The following SGCD variants were observed in gnomAD, a reference collection of about 807,000 sequenced individuals.
SGCD encodes sarcoglycan delta, also known as delta-sarcoglycan.
SGCD carries 18 observed loss-of-function variants against 36.6 expected under a neutral mutation model. The ratio of observed to expected loss-of-function variants is 0.49; its 90% CI spans 0.34 to 0.73. The LOEUF is 0.73. Among genes scored for constraint, SGCD ranks in the 30% least tolerant of loss-of-function variants. The probability of loss-of-function intolerance (pLI) is 0.01; values close to 1 mark genes in which losing one functional copy is unlikely to be tolerated. For synonymous variants in SGCD, 133 were observed against 130.6 expected, an observed-to-expected ratio of 1.02 and a Z score of -0.12; for missense variants, 387 against 346.7, an observed-to-expected ratio of 1.12 and a Z score of -0.92.
intron 1 of SGCD, among the ~76,000 whole-genome samples, chr5:156,005,606 G>T (rs1758746615): frequency 6.6e-6 from 1 of 152,006 alleles, no homozygotes; most frequent in Non-Finnish European, 1.5e-5. Flanking sequence ...GCCTGCCGCC[G>T]CACCTGGCTA....
At chr5:156,167,274 A>T (rs970457015) in intron 3 of SGCD, among the ~76,000 whole-genome samples, 39 of 152,262 alleles carry the variant, frequency 2.6e-4, no homozygotes, top group Admixed American at 1.3e-4. Context: ...TCTTCTCAGC[A>T]CATATTGCAG....
intron 6 of SGCD, among the ~76,000 whole-genome samples, chr5:156,597,463 A>C (rs1760972558): frequency 6.6e-6 from 1 of 152,226 alleles, no homozygotes. Flanking sequence ...ATGCAGGAAA[A>C]CTGCCCTTTA....
At chr5:156,378,284 T>G (rs1770782944) in intron 3 of SGCD, among the ~76,000 whole-genome samples, 1 of 152,198 alleles carries the variant, frequency 6.6e-6, no homozygotes, top group East Asian at 1.9e-4. Flanking sequence ...TGTGAGATAG[T>G]TAAAGCAGTC....
At chr5:156,528,521 G>A (rs1757737869) in intron 4 of SGCD, among the ~76,000 whole-genome samples, 1 of 152,072 alleles carries the variant, frequency 6.6e-6, no homozygotes, top group Non-Finnish European at 1.5e-5. Flanking sequence ...TCTCTAAGAA[G>A]CTTTTGGAGA....
chr5:155,947,187 T>C (rs1459809066), intron 1 of SGCD, among the ~76,000 whole-genome samples: 2 of 152,156 alleles, frequency 1.3e-5, no homozygotes, highest in Non-Finnish European at 2.9e-5. Flanking sequence ...TGTATTTTTT[T>C]CACTTAATTC....
Position 156,579,840 on chromosome 5 carries a change from A to G in SGCD, c.295-9391A>G, listed in dbSNP as rs372292663. On this transcript the variant is annotated intron_variant, in intron 4 of 8. Coordinates refer to ENST00000337851, the MANE Select transcript of SGCD (RefSeq NM_000337.6). ...GTGAGGTGGGTCTCCTGAATACAGC[A>G]CACTGATGGGTCTTGACTCTTTATC... Among the ~76,000 whole-genome samples, 12 of 152,252 alleles carry G rather than the reference A, an allele frequency of 7.9e-5. No individual in the cohort carries two copies. In the South Asian group the frequency reaches 1.2e-3, roughly 16 times the overall value.
intron 1 of SGCD, among the ~76,000 whole-genome samples, chr5:155,878,129 A>G (rs1399438603): frequency 6.6e-6 from 1 of 152,110 alleles, no homozygotes; most frequent in Non-Finnish European, 1.5e-5. Context: ...GGGTGGAAGT[A>G]TATAACAGGA....
chr5:156,076,057 G>A (rs780208588), intron 1 of SGCD, among the ~76,000 whole-genome samples: 1 of 151,518 alleles, frequency 6.6e-6, no homozygotes, highest in African/African-American at 2.4e-5. Context: ...TTTGGATTTG[G>A]GTCTTCATTT....
chr5:156,074,989 T>C (rs1004869860), intron 1 of SGCD, among the ~76,000 whole-genome samples: 7 of 152,234 alleles, frequency 4.6e-5, no homozygotes, highest in Admixed American at 2.0e-4. Context: ...TTTAAAGAAG[T>C]CTATCATGAA....
intron 7 of SGCD, among the ~76,000 whole-genome samples, chr5:156,749,073 T>C (rs976793997): frequency 3.3e-5 from 5 of 152,140 alleles, no homozygotes; most frequent in African/African-American, 1.2e-4. Context: ...GCTCAATTTT[T>C]AAGGAACTGA....
chr5:156,200,469 A>G (rs1250474286), intron 3 of SGCD, among the ~76,000 whole-genome samples: 1 of 152,194 alleles, frequency 6.6e-6, no homozygotes, highest in African/African-American at 2.4e-5. Context: ...CACATGGAAA[A>G]GAATGAAGTC....
intron 3 of SGCD, among the ~76,000 whole-genome samples, chr5:156,229,239 C>CACATATATATATACATATATATAT (rs1561574797): frequency 1.3e-4 from 14 of 103,840 alleles, no homozygotes; most frequent in African/African-American, 4.9e-4. Context: ...CATATACATA[C>CACATATATATATACATATATATAT]ATATATATAT....
At chr5:156,351,464 T>A (rs1225499763) in intron 3 of SGCD, among the ~76,000 whole-genome samples, 1 of 152,106 alleles carries the variant, frequency 6.6e-6, no homozygotes, top group Non-Finnish European at 1.5e-5. Flanking sequence ...TTTCTCAACC[T>A]CCCTGTGCTG....
intron 7 of SGCD, among the ~76,000 whole-genome samples, chr5:156,687,069 T>G (rs1753931163): frequency 6.6e-6 from 1 of 152,086 alleles, no homozygotes; most frequent in Non-Finnish European, 1.5e-5. Context: ...CACCAGACAA[T>G]GCTACAATCT....
At chr5:156,268,151 G>A (rs1171255782) in intron 3 of SGCD, among the ~76,000 whole-genome samples, 1 of 152,144 alleles carries the variant, frequency 6.6e-6, no homozygotes, top group Non-Finnish European at 1.5e-5. Flanking sequence ...CCATGTTCCT[G>A]CAAAAACATG....
intron 3 of SGCD, among the ~76,000 whole-genome samples, chr5:156,415,447 A>T (rs1772979994): frequency 6.6e-6 from 1 of 152,214 alleles, no homozygotes; most frequent in Non-Finnish European, 1.5e-5. Flanking sequence ...AGATTTGAGC[A>T]CGTGGTCTCA....
intron 1 of SGCD, among the ~76,000 whole-genome samples, chr5:155,902,484 G>A (rs977782991): frequency 2.6e-5 from 4 of 151,860 alleles, no homozygotes; most frequent in African/African-American, 9.7e-5. Context: ...AGAAGCACAG[G>A]TTCGTTACTT....
rs138531499 is a variant in SGCD at position 156,696,010 on chromosome 5, TCTCAAGGCCTA to T, written c.575+48476_575+48486del. Among the ~76,000 whole-genome samples the T allele has an allele frequency of 3.9e-3, 590 of 152,348 alleles. 3 individuals carry two copies. Among genetic ancestry groups the T allele is most frequent in the African/African-American group, 0.013 (560 of 41,590 alleles). Reference sequence around the variant, plus strand: ...CTTTCTTTTTCTCAACCATGAGGCCTCTCAAGGCCTACCAGCCAATTCTTAGCCATTTACAA... The same window carrying T: ...CTTTCTTTTTCTCAACCATGAGGCCTCCAGCCAATTCTTAGCCATTTACAA... On this transcript the variant is annotated intron_variant, in intron 7 of 8. Transcript: ENST00000337851.
chr5:156,628,925 G>A (rs1200960037), intron 6 of SGCD, among the ~76,000 whole-genome samples: 1 of 152,142 alleles, frequency 6.6e-6, no homozygotes, highest in Non-Finnish European at 1.5e-5. Flanking sequence ...TGAGTGCAAT[G>A]AAGATATCAA....
Sources: allele counts gnomAD v4.1 joint callset (sites outside exome capture counted in the v4.1 genomes callset), GRCh38; gene constraint gnomAD v4.1.1; transcripts MANE v1.5; gene names NCBI Gene and HGNC (gene_info 2026-07-23, HGNC 2026-07-21).